The following UGT1A7 variants were observed in gnomAD, a reference collection of about 807,000 sequenced individuals.
UGT1A7 encodes UDP glucuronosyltransferase family 1 member A7.
A neutral mutation model predicts 45.6 loss-of-function variants in UGT1A7; 33 were observed. That is an observed-to-expected ratio of 0.72 (90% confidence interval 0.55 to 0.97). The LOEUF (loss-of-function observed/expected upper bound fraction) is 0.97. Among genes scored for constraint, UGT1A7 ranks in the 50% least tolerant of loss-of-function variants. The pLI is 0.00. For missense variants in UGT1A7, 684 were observed against 666.2 expected, an observed-to-expected ratio of 1.03 and a Z score of -0.29; for synonymous variants, 274 against 250.6, an observed-to-expected ratio of 1.09 and a Z score of -0.88.
At chr2:233,711,197 T>A (rs2076167789) in intron 1 of UGT1A7, among the ~76,000 whole-genome samples, 1 of 152,222 alleles carries the variant, frequency 6.6e-6, no homozygotes, top group African/African-American at 2.4e-5. Flanking sequence ...CTCCCCACAG[T>A]CCTGCTCTCC....
intron 1 of UGT1A7, chr2:233,691,548 A>G (rs1056565919): frequency 8.1e-6 from 8 of 985,556 alleles, no homozygotes; most frequent in East Asian, 1.1e-4. Flanking sequence ...AGTCTGTTCT[A>G]GTAATTCAAG....
intron 1 of UGT1A7, chr2:233,713,570 T>C: frequency 6.2e-7 from 1 of 1,613,974 alleles, no homozygotes; most frequent in Non-Finnish European, 8.5e-7. Context: ...CTTCCTCCTA[T>C]ATTCCTAGAT....
intron 1 of UGT1A7, chr2:233,693,993 C>A: frequency 1.3e-6 from 2 of 1,526,758 alleles, no homozygotes; most frequent in East Asian, 2.2e-5. Context: ...GAAGTGATAC[C>A]CGGCTCGGAG....
chr2:233,763,335 T>C (rs1344403817), intron 1 of UGT1A7, among the ~76,000 whole-genome samples: 2 of 152,244 alleles, frequency 1.3e-5, no homozygotes, highest in Non-Finnish European at 2.9e-5. Context: ...TTTGTTTACA[T>C]TTCCCTAGCA....
chr2:233,719,679 C>T (rs781186031), intron 1 of UGT1A7: 1 of 1,613,946 alleles, frequency 6.2e-7, no homozygotes, highest in Non-Finnish European at 8.5e-7. Flanking sequence ...CGGGAAGCCA[C>T]TATCTCAGGT....
At chr2:233,693,863 C>T (rs1263853264) in intron 1 of UGT1A7, 1 of 1,614,066 alleles carries the variant, frequency 6.2e-7, no homozygotes, top group East Asian at 2.2e-5. Flanking sequence ...AGACTTGTCT[C>T]AGGTTGGTGG....
rs757687307 is a variant in UGT1A7, at chr2:233,767,853, T to A, written c.992T>A (p.Leu331Gln). The change falls in exon 3 of 5, where the codon CTG (leucine) becomes CAG (glutamine). Residue 331 changes from leucine (L) to glutamine (Q), a missense_variant. Physicochemically the swap from Leu to Gln is moderately radical, Grantham distance 113 (BLOSUM62 -2). Transcript: ENST00000373426. ...DALGKIPQTV[L>Q]WRYTGTRPSN... ...TGCTCTTTTTGCCCCTCCCAGGTCCTGTGGCGGTACACTGGAACCCGACCA... is the reference window on the plus strand; with the variant it reads ...TGCTCTTTTTGCCCCTCCCAGGTCCAGTGGCGGTACACTGGAACCCGACCA... 7.4e-6 allele frequency: 12 copies of A among 1,614,210 alleles called. No homozygotes were observed. Among genetic ancestry groups the A allele is most frequent in the African/African-American group, 1.3e-5 (1 of 75,056 alleles).
intron 1 of UGT1A7, among the ~76,000 whole-genome samples, chr2:233,700,669 C>T (rs542466137): frequency 1.3e-5 from 2 of 151,964 alleles, no homozygotes; most frequent in Admixed American, 1.3e-4. Flanking sequence ...CTTTTCAGCA[C>T]AAATTCGTGA....
chr2:233,725,063 TGCAATCG>T (rs2077358675), intron 1 of UGT1A7, among the ~76,000 whole-genome samples: 2 of 146,678 alleles, frequency 1.4e-5, no homozygotes, highest in African/African-American at 5.1e-5. Flanking sequence ...GGCGCGCGCC[TGCAATCG>T]CAGGCACTCG....
At position 233,769,619 on chromosome 2, in the gene UGT1A7, C is replaced by G; in HGVS notation, c.1295+1180C>G. The G allele has an allele frequency of 1.9e-6, 3 of 1,612,516 alleles. No individual in the cohort carries two copies. The highest frequency in any genetic ancestry group is 2.5e-6 in the Non-Finnish European group (3 of 1,179,738). ...GAACACGGGGACACACCAGCTTGAG[C>G]AAGGGACAACAGGGGAGGACTGATG... On this transcript the variant is annotated intron_variant, in intron 4 of 4. Transcript: ENST00000373426. This position sits in a 1 kb window ranked among gnomAD's most constrained non-coding sequence, Gnocchi z 4.4.
At chr2:233,714,526 A>T (rs988419180) in intron 1 of UGT1A7, among the ~76,000 whole-genome samples, 1 of 152,254 alleles carries the variant, frequency 6.6e-6, no homozygotes, top group Non-Finnish European at 1.5e-5. Flanking sequence ...GGTTAACTTC[A>T]TGGTCTAATA....
chr2:233,741,972 T>G (rs888756569), intron 1 of UGT1A7: 7 of 151,906 alleles, frequency 4.6e-5, no homozygotes, highest in African/African-American at 1.7e-4. Context: ...GTGTTTATGG[T>G]GCCTCACCCA....
At position 233,767,045 on chromosome 2, in the gene UGT1A7, CT is replaced by C. The variant is rs756697968; in HGVS notation, c.868del (p.Tyr290ThrfsTer73). On this transcript the variant is annotated frameshift_variant, in exon 2 of 5. Coordinates refer to ENST00000373426, the MANE Select transcript of UGT1A7 (RefSeq NM_019077.3). LOFTEE classifies it high-confidence loss of function. The part of the protein sequence containing the change: ...GKPVPMEFEA[Y>X]INASGEHGIV... The stretch of plus-strand genomic sequence containing the variant: ...TCTTCTGGCTCTAGGAATTTGAAGC[CT>C]ACATTAATGCTTCTGGAGAACATGG... 7.4e-6 allele frequency: 12 copies of C among 1,613,888 alleles called. No homozygotes were observed. The highest frequency in any genetic ancestry group is 9.3e-6 in the Non-Finnish European group (11 of 1,179,996).
chr2:233,757,162 G>C (rs1696424537), intron 1 of UGT1A7, among the ~76,000 whole-genome samples: 1 of 151,472 alleles, frequency 6.6e-6, no homozygotes, highest in African/African-American at 2.4e-5. Context: ...GTCTATCCCA[G>C]AGTTTTGAGA....
intron 1 of UGT1A7, among the ~76,000 whole-genome samples, chr2:233,712,397 G>C (rs1221786443): frequency 2.6e-5 from 4 of 152,200 alleles, no homozygotes. Context: ...ACTTCAGAGA[G>C]AGTCCTCTTT....
In UGT1A7 at chr2:233,769,812, GC is replaced by G; in HGVS notation, c.1295+1375del. The G allele has an allele frequency of 1.0e-6, 1 of 971,458 alleles. No individual in the cohort carries two copies. Among genetic ancestry groups the G allele is most frequent in the African/African-American group, 1.7e-5 (1 of 59,662 alleles). The allele number at this position is 971,458 out of a possible 1,614,324, so 60.2% of individuals were successfully genotyped here. A position where few individuals can be genotyped will look rare whatever the true frequency, so the allele number is the denominator to read the frequency against. On this transcript the variant is annotated intron_variant, in intron 4 of 4. Coordinates refer to ENST00000373426, the MANE Select transcript of UGT1A7 (RefSeq NM_019077.3). This position sits in a 1 kb window ranked among gnomAD's most constrained non-coding sequence, Gnocchi z 4.4. The stretch of plus-strand genomic sequence containing the variant: ...GGAGGCTGCTATGAGCCGTGATCAT[GC>G]CACTGCACTCCAGCAACCTGGGCAA...
At chr2:233,736,896 C>A (rs1212789655) in intron 1 of UGT1A7, among the ~76,000 whole-genome samples, 1 of 152,186 alleles carries the variant, frequency 6.6e-6, no homozygotes, top group African/African-American at 2.4e-5. Context: ...GCTGCCTGAT[C>A]CTTCCTCTGG....
chr2:233,755,235 C>T lies in UGT1A7; in HGVS notation c.856-11799C>T, dbSNP rs1346915931. ...CTTGATACCCTCGGACGAGGCCTACCGGGGTACTCCCAGCACCTCGTAGTA... is the reference window on the plus strand; with the variant it reads ...CTTGATACCCTCGGACGAGGCCTACTGGGGTACTCCCAGCACCTCGTAGTA... On this transcript the variant is annotated intron_variant, in intron 1 of 4. Transcript: ENST00000373426. The T allele has an allele frequency of 1.2e-5, 11 of 904,686 alleles. No homozygotes were observed. The East Asian group carries it at 3.5e-4, about 29-fold the overall frequency. 56.0% of individuals were successfully genotyped at this position (904,686 alleles called of 1,614,324 possible).
intron 1 of UGT1A7, chr2:233,690,644 G>C: frequency 7.8e-7 from 1 of 1,287,608 alleles, no homozygotes. Flanking sequence ...AGGACACCTT[G>C]ACTCCTACAG....
Sources: gnomAD v4.1 joint callset for allele counts (sites outside exome capture counted in the v4.1 genomes callset) on GRCh38, gnomAD v4.1.1 for gene constraint, Gnocchi (gnomAD v3.1) non-coding constraint, MANE v1.5 for transcripts, NCBI Gene and HGNC (gene_info 2026-07-23, HGNC 2026-07-21) for gene names.